The following DSCAML1 variants were observed in gnomAD, a reference collection of about 807,000 sequenced individuals.
The protein encoded by DSCAML1 is DS cell adhesion molecule like 1.
In DSCAML1, 38 loss-of-function variants were observed where a neutral mutation model predicts 200.5. That is an observed-to-expected ratio of 0.19 (90% CI 0.15 to 0.25). The LOEUF (loss-of-function observed/expected upper bound fraction) is 0.25, where lower values mean the gene tolerates loss of function less well. Ranked by LOEUF, DSCAML1 falls within the 10% of genes least tolerant of loss-of-function variation. The probability of loss-of-function intolerance (pLI) is 1.00; values close to 1 mark genes in which losing one functional copy is unlikely to be tolerated. For missense variants in DSCAML1, 2,223 were observed against 2,858.8 expected, an observed-to-expected ratio of 0.78 and a Z score of 5.07; for synonymous variants, 1,215 against 1,165.0, an observed-to-expected ratio of 1.04 and a Z score of -0.87.
At chr11:117,677,032 A>G (rs961627960) in intron 3 of DSCAML1, among the ~76,000 whole-genome samples, 2 of 152,142 alleles carry the variant, frequency 1.3e-5, no homozygotes, top group Non-Finnish European at 2.9e-5. Flanking sequence ...CAATCATTTC[A>G]TCTTGCTGGG....
chr11:117,809,288 A>G (rs927847774), intron 1 of DSCAML1, among the ~76,000 whole-genome samples: 4 of 152,178 alleles, frequency 2.6e-5, no homozygotes, highest in Admixed American at 2.0e-4. Flanking sequence ...GCACTCCTGG[A>G]AAGTGCAGTG....
intron 20 of DSCAML1, among the ~76,000 whole-genome samples, chr11:117,448,545 C>T (rs998916893): frequency 8.9e-5 from 13 of 145,772 alleles, no homozygotes; most frequent in African/African-American, 2.6e-4. Flanking sequence ...GAAGAAGCCG[C>T]GGGGCAAAGG....
intron 3 of DSCAML1, among the ~76,000 whole-genome samples, chr11:117,623,273 G>A (rs2051976789): frequency 7.2e-6 from 1 of 138,812 alleles, no homozygotes; most frequent in Admixed American, 8.1e-5. Flanking sequence ...TGGGAGTGCA[G>A]TGGCGTGATC....
At position 117,440,869 on chromosome 11, in the gene DSCAML1, C is replaced by T. The variant is rs1224768951; in HGVS notation, c.3863-933G>A. Among the ~76,000 whole-genome samples the T allele has an allele frequency of 2.0e-4, 27 of 137,862 alleles. No individual in the cohort carries two copies. In the East Asian group the frequency reaches 2.9e-3, roughly 15 times the overall value. The allele number at this position is 137,862 out of a possible 152,430, so 90.4% of individuals were successfully genotyped here. On this transcript the variant is annotated intron_variant, in intron 21 of 32. Coordinates refer to ENST00000651296, the MANE Select transcript of DSCAML1 (RefSeq NM_020693.4). ...CTGGGAGGTGGAGGTTGCAGTGAGC[C>T]GAGATCATGCCACTGCACTCCACGC...
At chr11:117,461,710 G>C in intron 17 of DSCAML1, 114 bp from the exon 18 acceptor site, 1 of 963,436 alleles carries the variant, frequency 1.0e-6, no homozygotes, top group Non-Finnish European at 1.5e-6. Flanking sequence ...CGTCCAGTTA[G>C]ACAAGTGGGG....
At chr11:117,524,546 G>A (rs1328495856) in intron 5 of DSCAML1, among the ~76,000 whole-genome samples, 1 of 152,218 alleles carries the variant, frequency 6.6e-6, no homozygotes, top group Non-Finnish European at 1.5e-5. Flanking sequence ...ATTTTACAGA[G>A]AACGGCACTG....
At chr11:117,782,525 C>A (rs2055283239) in intron 1 of DSCAML1, among the ~76,000 whole-genome samples, 1 of 152,188 alleles carries the variant, frequency 6.6e-6, no homozygotes, top group African/African-American at 2.4e-5. Flanking sequence ...GGTGGCCAAG[C>A]AAGTCTGCTC....
At chr11:117,643,879 G>A (rs1378966718) in intron 3 of DSCAML1, among the ~76,000 whole-genome samples, 3 of 152,338 alleles carry the variant, frequency 2.0e-5, no homozygotes, top group Non-Finnish European at 4.4e-5. Flanking sequence ...AGGGGAAGAA[G>A]GAGAGTTGAA....
intron 23 of DSCAML1, 30 bp from the exon 24 acceptor site, chr11:117,439,013 A>G: frequency 6.4e-7 from 1 of 1,573,678 alleles, no homozygotes; most frequent in Non-Finnish European, 8.6e-7. Context: ...ACCCCTTAGC[A>G]CAAGGGCGGA....
At chr11:117,443,079 G>T (rs1432061899) in intron 21 of DSCAML1, among the ~76,000 whole-genome samples, 1 of 152,200 alleles carries the variant, frequency 6.6e-6, no homozygotes, top group Non-Finnish European at 1.5e-5. Flanking sequence ...AGGCTGCGCA[G>T]GCACCACCTC....
At chr11:117,454,847 G>A (rs1317512441) in intron 19 of DSCAML1, among the ~76,000 whole-genome samples, 2 of 152,212 alleles carry the variant, frequency 1.3e-5, no homozygotes, top group East Asian at 3.8e-4. Flanking sequence ...TGAACTGTCT[G>A]CTTTTGGTCC....
chr11:117,777,405 T>G (rs2055146875), intron 2 of DSCAML1, among the ~76,000 whole-genome samples: 1 of 152,216 alleles, frequency 6.6e-6, no homozygotes, highest in African/African-American at 2.4e-5. Context: ...GCAATTATTT[T>G]GGACACAGTG....
chr11:117,680,819 C>T (rs952840815), intron 3 of DSCAML1, among the ~76,000 whole-genome samples: 2 of 152,198 alleles, frequency 1.3e-5, no homozygotes, highest in South Asian at 4.1e-4. Context: ...GTCCGTTCCC[C>T]TCCCCTACAA....
rs774415731 is a variant in DSCAML1, at chr11:117,516,696, G to A, written c.1554C>T (p.Ala518=). ...TGCAGTTGATAAGGGTGTCCCGCCC[G>A]GCGACTGCTGTGATGTTCCGCATAG... ...IRAMRNITAV[A]GRDTLINCRV... The change falls in exon 8 of 33, where the codon GCC becomes GCT. Residue 518 remains alanine (A), a synonymous_variant. Coordinates refer to ENST00000651296, the MANE Select transcript of DSCAML1 (RefSeq NM_020693.4). The surrounding 1 kb of genome is among the most constrained non-coding windows in gnomAD (Gnocchi z 5.7). 47 of 1,613,868 alleles carry A rather than the reference G, an allele frequency of 2.9e-5. No homozygotes were observed. Among genetic ancestry groups the A allele is most frequent in the Admixed American group, 8.3e-5 (5 of 60,002 alleles).
At chr11:117,592,283 G>T (rs1228980689) in intron 3 of DSCAML1, among the ~76,000 whole-genome samples, 1 of 152,160 alleles carries the variant, frequency 6.6e-6, no homozygotes, top group Non-Finnish European at 1.5e-5. Flanking sequence ...GGCCGGCTCG[G>T]CAAGGACTGC....
At chr11:117,454,288 C>G (rs1040762934) in intron 19 of DSCAML1, among the ~76,000 whole-genome samples, 1 of 152,122 alleles carries the variant, frequency 6.6e-6, no homozygotes, top group Non-Finnish European at 1.5e-5. Context: ...AACATGATCC[C>G]CAACTGATCT....
intron 3 of DSCAML1, among the ~76,000 whole-genome samples, chr11:117,775,683 A>G (rs2055118114): frequency 1.3e-5 from 2 of 152,162 alleles, no homozygotes; most frequent in Admixed American, 1.3e-4. Flanking sequence ...CCTAGCGAGC[A>G]TTGAAAAGGC....
At chr11:117,620,584 G>C (rs1019390614) in intron 3 of DSCAML1, among the ~76,000 whole-genome samples, 1 of 152,178 alleles carries the variant, frequency 6.6e-6, no homozygotes, top group Non-Finnish European at 1.5e-5. Flanking sequence ...CCCCTACTTT[G>C]CTGCACCTTC....
intron 3 of DSCAML1, among the ~76,000 whole-genome samples, chr11:117,634,988 G>A (rs1415215333): frequency 6.6e-6 from 1 of 152,164 alleles, no homozygotes; most frequent in African/African-American, 2.4e-5. Flanking sequence ...CACGCCATAA[G>A]TCCTCTCCTC....
Sources: gnomAD v4.1 joint callset for allele counts (sites outside exome capture counted in the v4.1 genomes callset) on GRCh38, gnomAD v4.1.1 for gene constraint, Gnocchi (gnomAD v3.1) non-coding constraint, MANE v1.5 for transcripts, NCBI Gene and HGNC (gene_info 2026-07-23, HGNC 2026-07-21) for gene names.